PRKCH: variants seen among roughly 807,000 people sequenced by gnomAD.
PRKCH encodes protein kinase C eta type.
In PRKCH, 28 loss-of-function variants were observed where a neutral mutation model predicts 82.5. That is an observed-to-expected ratio of 0.34 (90% CI 0.25 to 0.47). The LOEUF (loss-of-function observed/expected upper bound fraction) is 0.47. Among genes scored for constraint, PRKCH ranks in the 20% least tolerant of loss-of-function variants. The pLI is 1.00. For missense variants in PRKCH, 705 were observed against 881.8 expected, an observed-to-expected ratio of 0.80 and a Z score of 2.54; for synonymous variants, 322 against 327.4, an observed-to-expected ratio of 0.98 and a Z score of 0.18.
intron 1 of PRKCH, among the ~76,000 whole-genome samples, chr14:61,371,778 T>C (rs2046366863): frequency 6.6e-6 from 1 of 152,040 alleles, no homozygotes; most frequent in Admixed American, 6.5e-5. Context: ...GGGAAGGAAG[T>C]CACTGTACAT....
rs920156028 is a variant in PRKCH at position 61,457,502 on chromosome 14, A to G, written c.1105-4A>G. 69 of 1,613,588 alleles carry G rather than the reference A, an allele frequency of 4.3e-5. No homozygotes were observed. The highest frequency in any genetic ancestry group is 5.6e-5 in the Non-Finnish European group (66 of 1,179,780). ...TCATGCTCCCTCCTTTTGCTTTGCC[A>G]TAGGTGATGCTTGCAAGAGTAAAAG... On this transcript the variant is annotated splice_polypyrimidine_tract_variant and splice_region_variant and intron_variant, in intron 8 of 13. Coordinates refer to ENST00000332981, the MANE Select transcript of PRKCH (RefSeq NM_006255.5).
At chr14:61,463,690 T>G (rs986027413) in intron 9 of PRKCH, among the ~76,000 whole-genome samples, 5 of 152,012 alleles carry the variant, frequency 3.3e-5, no homozygotes, top group Non-Finnish European at 7.4e-5. Context: ...ATGTTTAATT[T>G]TCAGTGCTTT....
At chr14:61,349,200 T>C (rs2046038399) in intron 1 of PRKCH, among the ~76,000 whole-genome samples, 2 of 152,238 alleles carry the variant, frequency 1.3e-5, no homozygotes, top group Admixed American at 1.3e-4. Context: ...AGCAAGTAGA[T>C]CATTGTTTCC....
intron 12 of PRKCH, among the ~76,000 whole-genome samples, 178 bp from the exon 13 acceptor site, chr14:61,547,565 G>A (rs988695718): frequency 7.9e-5 from 12 of 152,292 alleles, no homozygotes; most frequent in Admixed American, 3.3e-4. Flanking sequence ...ACAGGCAATC[G>A]CGCCTTTAAG....
intron 1 of PRKCH, among the ~76,000 whole-genome samples, chr14:61,248,880 C>T (rs1481633724): frequency 6.6e-6 from 1 of 152,090 alleles, no homozygotes; most frequent in East Asian, 1.9e-4. Flanking sequence ...CGGGTCACTG[C>T]AACCTCTGCC....
intron 1 of PRKCH, among the ~76,000 whole-genome samples, chr14:61,323,186 C>A (rs1400987907): frequency 2.0e-5 from 3 of 152,176 alleles, no homozygotes; most frequent in East Asian, 1.9e-4. Context: ...TTCCCTCCCC[C>A]CATCACCAGC....
At chr14:61,474,384 A>G (rs1296067482) in intron 9 of PRKCH, among the ~76,000 whole-genome samples, 1 of 152,184 alleles carries the variant, frequency 6.6e-6, no homozygotes, top group Non-Finnish European at 1.5e-5. Context: ...CTTTTAATTT[A>G]GCCTCCATAC....
chr14:61,228,902 A>C (rs2044718396), intron 1 of PRKCH, among the ~76,000 whole-genome samples: 1 of 151,368 alleles, frequency 6.6e-6, no homozygotes, highest in Admixed American at 6.6e-5. Flanking sequence ...TTAATATAAA[A>C]AATATATAAA....
In PRKCH at chr14:61,527,849, G is replaced by A. The variant is rs138126078; in HGVS notation, c.1434-1226G>A. On this transcript the variant is annotated intron_variant, in intron 10 of 13. Coordinates refer to ENST00000332981, the MANE Select transcript of PRKCH (RefSeq NM_006255.5). Reference sequence around the variant, plus strand: ...GCCATACTGCTGGGCTTGCTGCCGTGTCCCTGCCCCATCCGCCTGTCCATG... The same window carrying A: ...GCCATACTGCTGGGCTTGCTGCCGTATCCCTGCCCCATCCGCCTGTCCATG... 242 of 146,876 alleles carry A rather than the reference G, an allele frequency of 1.6e-3. 1 individual carries two copies. Among genetic ancestry groups the A allele is most frequent in the Non-Finnish European group, 3.0e-3 (199 of 67,182 alleles). 9.1% of individuals were successfully genotyped at this position (146,876 alleles called of 1,614,324 possible).
In PRKCH at chr14:61,249,648, G is replaced by A. The variant is rs531554435; in HGVS notation, c.-19+61980G>A. Among the ~76,000 whole-genome samples the A allele has an allele frequency of 2.0e-5, 3 of 151,654 alleles. No individual in the cohort carries two copies. The South Asian group carries it at 6.2e-4, about 32-fold the overall frequency. The stretch of plus-strand genomic sequence containing the variant: ...TTATTTTTTATTGTTTTGAGACAGA[G>A]TCTCGCTCTGTCTCCAGGCTGGAGT... On this transcript the variant is annotated intron_variant, in intron 1 of 3. Coordinates refer to the PRKCH transcript ENST00000555185.
chr14:61,226,364 C>T (rs938081953), intron 1 of PRKCH, among the ~76,000 whole-genome samples: 1 of 152,148 alleles, frequency 6.6e-6, no homozygotes, highest in South Asian at 2.1e-4. Flanking sequence ...ATTCCTTGGC[C>T]ACACCTTCCA....
chr14:61,244,025 C>T (rs750479921), intron 1 of PRKCH, among the ~76,000 whole-genome samples: 23 of 151,930 alleles, frequency 1.5e-4, no homozygotes, highest in Non-Finnish European at 2.5e-4. Flanking sequence ...TGCACATCAC[C>T]GCAGCCTGGC....
chr14:61,384,763 A>G (rs1407223949), intron 1 of PRKCH, among the ~76,000 whole-genome samples: 4 of 152,046 alleles, frequency 2.6e-5, no homozygotes, highest in Admixed American at 2.6e-4. Flanking sequence ...TGGCTGCTGC[A>G]AACCAGGCAT....
At chr14:61,533,362 T>C (rs2043066122) in intron 12 of PRKCH, among the ~76,000 whole-genome samples, 1 of 150,732 alleles carries the variant, frequency 6.6e-6, no homozygotes, top group Non-Finnish European at 1.5e-5. Flanking sequence ...TTACTCTCCA[T>C]GCCTAAAAAC....
chr14:61,449,620 C>T (rs1371643660), intron 5 of PRKCH, among the ~76,000 whole-genome samples: 2 of 152,162 alleles, frequency 1.3e-5, no homozygotes, highest in African/African-American at 4.8e-5. Context: ...ATCTGACAGC[C>T]TGGATTTGAA....
intron 9 of PRKCH, among the ~76,000 whole-genome samples, chr14:61,485,260 T>C (rs1886165321): frequency 6.6e-6 from 1 of 152,140 alleles, no homozygotes; most frequent in Non-Finnish European, 1.5e-5. Context: ...GTACTTTTGA[T>C]TTCATGTAGC....
intron 2 of PRKCH, among the ~76,000 whole-genome samples, chr14:61,420,914 G>T (rs939818673): frequency 6.6e-6 from 1 of 152,080 alleles, no homozygotes; most frequent in Non-Finnish European, 1.5e-5. Context: ...AGGAACTTGG[G>T]TAAGGGACCT....
chr14:61,270,888 C>A (rs1314182909), intron 1 of PRKCH, among the ~76,000 whole-genome samples: 1 of 152,156 alleles, frequency 6.6e-6, no homozygotes, highest in African/African-American at 2.4e-5. Context: ...GTGGGAGGAT[C>A]ACTTGGGCCC....
intron 1 of PRKCH, among the ~76,000 whole-genome samples, chr14:61,369,431 T>G (rs1271763297): frequency 2.6e-5 from 4 of 152,146 alleles, no homozygotes; most frequent in Admixed American, 6.5e-5. Flanking sequence ...ATCGTGAACC[T>G]TGTTTGTGAA....
Sources: gnomAD v4.1 joint callset for allele counts (sites outside exome capture counted in the v4.1 genomes callset) on GRCh38, gnomAD v4.1.1 for gene constraint, MANE v1.5 for transcripts, NCBI Gene and HGNC (gene_info 2026-07-23, HGNC 2026-07-21) for gene names.